SDK1: variants seen among roughly 807,000 people sequenced by gnomAD.
SDK1 encodes the protein protein sidekick-1.
A neutral mutation model predicts 245.5 loss-of-function variants in SDK1; 157 were observed. The observed-to-expected ratio is 0.64, with a 90% CI of 0.56 to 0.73. The LOEUF is 0.73. Ranked by LOEUF, SDK1 falls within the 30% of genes least tolerant of loss-of-function variation. SDK1 has a pLI of 0.00. For synonymous variants in SDK1, 1,647 were observed against 1,278.5 expected (o/e 1.29, Z -6.15); for missense variants, 3,583 against 3,002.3 (o/e 1.19, Z -4.52).
intron 4 of SDK1, 42 bp from the exon 5 acceptor site, chr7:3,821,408 C>G: frequency 1.3e-6 from 2 of 1,580,472 alleles, no homozygotes; most frequent in Non-Finnish European, 1.7e-6. Context: ...TAGGAAGTTC[C>G]CTGGAGTAGC....
chr7:4,158,149 C>T (rs574863035), intron 30 of SDK1, among the ~76,000 whole-genome samples: 4 of 152,190 alleles, frequency 2.6e-5, no homozygotes, highest in Non-Finnish European at 5.9e-5. Context: ...GGACGCCCTG[C>T]ACTCCCTGCC....
intron 38 of SDK1, among the ~76,000 whole-genome samples, chr7:4,212,771 G>A (rs1584458858): frequency 1.3e-5 from 2 of 152,344 alleles, no homozygotes; most frequent in African/African-American, 4.8e-5. Context: ...AACCAACGAG[G>A]ACCATTTAAA....
At chr7:3,307,616 G>A (rs1779449010) in intron 1 of SDK1, among the ~76,000 whole-genome samples, 1 of 152,208 alleles carries the variant, frequency 6.6e-6, no homozygotes, top group Non-Finnish European at 1.5e-5. Flanking sequence ...TCCAAAGCCA[G>A]AAACTCATTC....
intron 1 of SDK1, among the ~76,000 whole-genome samples, chr7:3,534,072 C>G (rs775832466): frequency 3.6e-4 from 55 of 152,160 alleles, no homozygotes; most frequent in Non-Finnish European, 6.6e-4. Context: ...CATTTGGCCT[C>G]CCTGCCCGAC....
chr7:3,706,090 A>G (rs1784881029), intron 4 of SDK1, among the ~76,000 whole-genome samples: 1 of 151,560 alleles, frequency 6.6e-6, no homozygotes, highest in East Asian at 1.9e-4. Flanking sequence ...TGTATGTTAA[A>G]CCTCCCTGCA....
chr7:4,004,850 T>TG (rs1392323337), intron 14 of SDK1, among the ~76,000 whole-genome samples: 4 of 150,714 alleles, frequency 2.7e-5, no homozygotes, highest in African/African-American at 7.4e-5. Flanking sequence ...TTTTTACACT[T>TG]GCATCAGGAT....
chr7:3,873,720 C>T (rs144800681), intron 5 of SDK1, among the ~76,000 whole-genome samples: 57 of 152,266 alleles, frequency 3.7e-4, no homozygotes, highest in Non-Finnish European at 7.2e-4. Context: ...CAAGTCTGCT[C>T]ATGAGCCCAT....
At chr7:3,516,550 A>T (rs1251885409) in intron 1 of SDK1, among the ~76,000 whole-genome samples, 1 of 152,170 alleles carries the variant, frequency 6.6e-6, no homozygotes, top group East Asian at 1.9e-4. Context: ...TCTCCTGATT[A>T]CTAAATGAAA....
At chr7:3,534,708 G>C (rs1778823958) in intron 1 of SDK1, among the ~76,000 whole-genome samples, 1 of 152,102 alleles carries the variant, frequency 6.6e-6, no homozygotes, top group South Asian at 2.1e-4. Flanking sequence ...AAATTACTTA[G>C]GTAGATAGTG....
At chr7:3,321,167 C>G (rs1053848286) in intron 1 of SDK1, among the ~76,000 whole-genome samples, 1 of 152,106 alleles carries the variant, frequency 6.6e-6, no homozygotes, top group Non-Finnish European at 1.5e-5. Context: ...CTTTTTGAAA[C>G]TAAAAATCCT....
chr7:3,759,017 G>C (rs989146216), intron 4 of SDK1, among the ~76,000 whole-genome samples: 2 of 152,160 alleles, frequency 1.3e-5, no homozygotes, highest in Admixed American at 6.5e-5. Flanking sequence ...GGAGAAACCT[G>C]ACTCGCATTA....
chr7:3,573,907 G>A (rs1780198512), intron 1 of SDK1, among the ~76,000 whole-genome samples: 1 of 151,950 alleles, frequency 6.6e-6, no homozygotes, highest in Non-Finnish European at 1.5e-5. Flanking sequence ...ACTATGTTTT[G>A]TGTCCTTTTT....
chr7:4,236,138 T>C (rs1381079812), intron 41 of SDK1, among the ~76,000 whole-genome samples: 1 of 152,342 alleles, frequency 6.6e-6, no homozygotes, highest in African/African-American at 2.4e-5. Flanking sequence ...TCGTGAGATA[T>C]AGGATAGAAG....
intron 38 of SDK1, among the ~76,000 whole-genome samples, chr7:4,210,833 AAAC>A: frequency 6.6e-6 from 1 of 152,336 alleles, no homozygotes; most frequent in Admixed American, 6.5e-5. Flanking sequence ...TTAAATCAGC[AAAC>A]AACAGCCCGA....
At chr7:4,070,504 G>C (rs1490185856) in intron 20 of SDK1, among the ~76,000 whole-genome samples, 1 of 152,110 alleles carries the variant, frequency 6.6e-6, no homozygotes, top group Admixed American at 6.5e-5. Context: ...AGCATCCCAG[G>C]TGCCCTGGGG....
chr7:4,225,618 C>T (rs1258381698), intron 40 of SDK1, among the ~76,000 whole-genome samples: 2 of 152,186 alleles, frequency 1.3e-5, no homozygotes, highest in African/African-American at 2.4e-5. Flanking sequence ...GTTACTGGTG[C>T]GGCCCAGGGA....
intron 1 of SDK1, among the ~76,000 whole-genome samples, chr7:3,307,109 C>T (rs889069408): frequency 1.3e-5 from 2 of 152,116 alleles, no homozygotes; most frequent in East Asian, 3.8e-4. Flanking sequence ...TTAAATACTC[C>T]TGGTACCCAA....
At chr7:3,821,923 C>G (rs1438843584) in intron 5 of SDK1, among the ~76,000 whole-genome samples, 1 of 152,096 alleles carries the variant, frequency 6.6e-6, no homozygotes, top group Non-Finnish European at 1.5e-5. Context: ...GAACCTAAAT[C>G]AGGACTAGAT....
At chr7:4,130,348 C>T (rs1295548185) in intron 27 of SDK1, 2 of 508,998 alleles carry the variant, frequency 3.9e-6, no homozygotes, top group African/African-American at 2.0e-5. Flanking sequence ...GTGGGCAGTG[C>T]TGGGGAGAGG....
Sources: allele counts gnomAD v4.1 joint callset (sites outside exome capture counted in the v4.1 genomes callset), GRCh38; gene constraint gnomAD v4.1.1; transcripts MANE v1.5; gene names NCBI Gene and HGNC (gene_info 2026-07-23, HGNC 2026-07-21).